Variants in CSNK1G1 observed in about 807,000 individuals in gnomAD.
CSNK1G1 encodes the protein casein kinase 1 gamma 1.
A neutral mutation model predicts 59.6 loss-of-function variants in CSNK1G1; 22 were observed. The observed-to-expected ratio is 0.37, with a 90% CI of 0.26 to 0.53. The LOEUF (loss-of-function observed/expected upper bound fraction) is 0.53. Ranked by LOEUF, CSNK1G1 falls within the 20% of genes least tolerant of loss-of-function variation. CSNK1G1 has a pLI of 0.89. For missense variants in CSNK1G1, 384 were observed against 519.5 expected (o/e 0.74, Z 2.54); for synonymous variants, 179 against 177.1 (o/e 1.01, Z -0.08).
rs1166035046 is a variant in CSNK1G1, at chr15:64,332,495, AG to A, written c.-225+23492del. Among the ~76,000 whole-genome samples the A allele has an allele frequency of 2.7e-5, 3 of 111,282 alleles. No individual in the cohort carries two copies. In the South Asian group the frequency reaches 9.5e-4, roughly 35 times the overall value. 73.0% of individuals were successfully genotyped at this position (111,282 alleles called of 152,430 possible). A position where few individuals can be genotyped will look rare whatever the true frequency, so the allele number is the denominator to read the frequency against. ...ACAATGAGATCACATGGACACAGGA[AG>A]GGGAATATCACACTCTGGGGACTGT... On this transcript the variant is annotated intron_variant, in intron 1 of 11. Transcript: ENST00000303052.
At chr15:64,261,779 C>T (rs1449429289) in intron 2 of CSNK1G1, among the ~76,000 whole-genome samples, 1 of 151,766 alleles carries the variant, frequency 6.6e-6, no homozygotes, top group African/African-American at 2.4e-5. Context: ...CCTGTCTCTA[C>T]TAAAAATACA....
chr15:64,193,996 G>C (rs759494413), intron 10 of CSNK1G1: 1 of 152,534 alleles, frequency 6.6e-6, no homozygotes, highest in African/African-American at 2.4e-5. Flanking sequence ...GAGGTGAGCC[G>C]CAGTGACTAG....
chr15:64,178,838 A>G (rs1463004232), intron 11 of CSNK1G1, among the ~76,000 whole-genome samples: 1 of 152,012 alleles, frequency 6.6e-6, no homozygotes, highest in African/African-American at 2.4e-5. Flanking sequence ...ATTGGAGTAC[A>G]GTGACATGAC....
At chr15:64,335,417 TA>T (rs1043961904) in intron 1 of CSNK1G1, among the ~76,000 whole-genome samples, 16 of 151,806 alleles carry the variant, frequency 1.1e-4, no homozygotes, top group Non-Finnish European at 2.2e-4. Context: ...TACTTTTCCT[TA>T]AAAAAAATAA....
chr15:64,272,820 A>C (rs1235150256), intron 2 of CSNK1G1, among the ~76,000 whole-genome samples: 1 of 152,056 alleles, frequency 6.6e-6, no homozygotes, highest in Non-Finnish European at 1.5e-5. Context: ...ATCACAGCTC[A>C]CTGCAGTCTC....
intron 1 of CSNK1G1, among the ~76,000 whole-genome samples, chr15:64,313,687 C>T (rs1373922503): frequency 2.0e-5 from 3 of 150,826 alleles, no homozygotes; most frequent in African/African-American, 4.9e-5. Flanking sequence ...TACCATGGCA[C>T]GTGTATACCT....
intron 1 of CSNK1G1, among the ~76,000 whole-genome samples, chr15:64,324,565 A>G (rs959691764): frequency 6.6e-6 from 1 of 152,206 alleles, no homozygotes; most frequent in African/African-American, 2.4e-5. Flanking sequence ...GCCTTCGGCC[A>G]CAGACTGGAG....
intron 4 of CSNK1G1, among the ~76,000 whole-genome samples, chr15:64,247,284 A>G (rs1213516587): frequency 6.6e-6 from 1 of 152,270 alleles, no homozygotes; most frequent in Non-Finnish European, 1.5e-5. Context: ...TATGGTGACC[A>G]TAATACAATT....
intron 10 of CSNK1G1, chr15:64,194,208 T>G (rs548935103): frequency 6.6e-6 from 1 of 152,170 alleles, no homozygotes; most frequent in African/African-American, 2.4e-5. Context: ...GGCAGCATGT[T>G]AGGAAACTGC....
intron 1 of CSNK1G1, among the ~76,000 whole-genome samples, chr15:64,343,068 G>A (rs1488736165): frequency 3.3e-5 from 5 of 152,098 alleles, no homozygotes; most frequent in South Asian, 2.1e-4. Flanking sequence ...CAAAATTAGC[G>A]GGGTGTGGTG....
At chr15:64,340,352 C>G (rs192307029) in intron 1 of CSNK1G1, among the ~76,000 whole-genome samples, 19 of 152,230 alleles carry the variant, frequency 1.2e-4, no homozygotes, top group African/African-American at 4.6e-4. Context: ...TTCTTTAGCA[C>G]ATCTCTGCTG....
chr15:64,291,615 T>A (rs953852020), intron 2 of CSNK1G1, among the ~76,000 whole-genome samples: 2 of 152,138 alleles, frequency 1.3e-5, no homozygotes, highest in African/African-American at 4.8e-5. Flanking sequence ...AAAATTATGT[T>A]TCATCTTAAG....
intron 1 of CSNK1G1, among the ~76,000 whole-genome samples, chr15:64,349,091 C>T (rs1205695615): frequency 1.3e-5 from 2 of 148,942 alleles, no homozygotes; most frequent in Non-Finnish European, 3.0e-5. Flanking sequence ...GAGCCGAGAT[C>T]ACGCCACTGT....
intron 4 of CSNK1G1, among the ~76,000 whole-genome samples, chr15:64,222,597 G>A (rs188022348): frequency 5.3e-5 from 8 of 151,386 alleles, no homozygotes; most frequent in African/African-American, 1.9e-4. Context: ...ATGAAATAAC[G>A]TGTGGCACCA....
chr15:64,304,017 G>A (rs1895523093), intron 1 of CSNK1G1, among the ~76,000 whole-genome samples: 1 of 151,722 alleles, frequency 6.6e-6, no homozygotes, highest in South Asian at 2.1e-4. Flanking sequence ...CCACAACCAT[G>A]ACAAAAACTG....
chr15:64,227,186 C>T (rs2082474322), intron 4 of CSNK1G1, among the ~76,000 whole-genome samples: 1 of 152,188 alleles, frequency 6.6e-6, no homozygotes, highest in Non-Finnish European at 1.5e-5. Flanking sequence ...AAAGCAAATT[C>T]AGTGGATTTA....
At position 64,165,869 on chromosome 15, in the gene CSNK1G1, C is replaced by CT. The variant is rs976682982; in HGVS notation, c.*6061dup. 3.4e-5 allele frequency: 16 copies of CT among 468,752 alleles called. No individual in the cohort carries two copies. The Admixed American group carries it at 4.1e-4, about 12-fold the overall frequency. 29.0% of individuals were successfully genotyped at this position (468,752 alleles called of 1,614,324 possible). ...ATGGTGCCCTAGGAAATGGGCTACT[C>CT]TGAGATCACATATCAGAACCCATTT... is the stretch of plus-strand genomic sequence containing the variant. On this transcript the variant is annotated 3_prime_UTR_variant, in exon 12 of 12. Transcript: ENST00000303052.
chr15:64,183,860 C>T (rs1411322425), intron 10 of CSNK1G1, among the ~76,000 whole-genome samples: 3 of 151,446 alleles, frequency 2.0e-5, no homozygotes, highest in East Asian at 1.9e-4. Flanking sequence ...CTCAGCCTCC[C>T]GAGTAGCTGG....
At chr15:64,286,350 T>C (rs1444611282) in intron 2 of CSNK1G1, among the ~76,000 whole-genome samples, 2 of 151,574 alleles carry the variant, frequency 1.3e-5, no homozygotes. Context: ...GTTAACAATA[T>C]TGTTAACATG....
Sources: allele counts gnomAD v4.1 joint callset (sites outside exome capture counted in the v4.1 genomes callset), GRCh38; gene constraint gnomAD v4.1.1; transcripts MANE v1.5; gene names NCBI Gene and HGNC (gene_info 2026-07-23, HGNC 2026-07-21).